Variants in CAPZB observed in about 807,000 individuals in gnomAD.
CAPZB encodes F-actin-capping protein subunit beta.
CAPZB carries 2 observed loss-of-function variants against 38.1 expected under a neutral mutation model. The ratio of observed to expected loss-of-function variants is 0.05; its 90% CI spans 0.02 to 0.17. The LOEUF is 0.17. Among genes scored for constraint, CAPZB ranks in the 10% least tolerant of loss-of-function variants. The pLI, the probability that CAPZB is intolerant of heterozygous loss-of-function variation, is 1.00. For synonymous variants in CAPZB, 107 were observed against 127.4 expected (o/e 0.84, Z 1.08); for missense variants, 161 against 334.2 (o/e 0.48, Z 4.04).
At chr1:19,484,177 G>C (rs1189061021) in intron 1 of CAPZB, 2 of 1,610,240 alleles carry the variant, frequency 1.2e-6, no homozygotes, top group South Asian at 2.2e-5. Context: ...CTCTCCCTAG[G>C]CGTTCTGCTC....
At chr1:19,484,955 T>C (rs1305045147) in intron 1 of CAPZB, among the ~76,000 whole-genome samples, 2 of 151,076 alleles carry the variant, frequency 1.3e-5, no homozygotes, top group African/African-American at 4.9e-5. Context: ...CCTGAGGCCA[T>C]GGAGAAGGCA....
At chr1:19,347,171 G>A (rs116739408) in intron 6 of CAPZB, among the ~76,000 whole-genome samples, 2,052 of 152,052 alleles carry the variant, frequency 0.013, 25 homozygotes, top group Admixed American at 0.02. Context: ...AGGAAGAATG[G>A]CCTCTGCAAG....
At chr1:19,443,456 T>C (rs970379282) in intron 1 of CAPZB, among the ~76,000 whole-genome samples, 3 of 152,218 alleles carry the variant, frequency 2.0e-5, no homozygotes, top group Admixed American at 1.3e-4. Flanking sequence ...CACTGTATAA[T>C]ATTAATATAG....
intron 2 of CAPZB, among the ~76,000 whole-genome samples, chr1:19,393,586 A>G: frequency 6.6e-6 from 1 of 152,194 alleles, no homozygotes; most frequent in South Asian, 2.1e-4. Context: ...TCCAAAGACC[A>G]GGCCCCACCG....
At chr1:19,358,578 T>C (rs1487851094) in intron 4 of CAPZB, among the ~76,000 whole-genome samples, 1 of 152,232 alleles carries the variant, frequency 6.6e-6, no homozygotes, top group African/African-American at 2.4e-5. Flanking sequence ...CTACTGTGGC[T>C]CACTGGGACT....
chr1:19,415,055 T>G (rs1262644693), intron 2 of CAPZB, among the ~76,000 whole-genome samples: 1 of 152,246 alleles, frequency 6.6e-6, no homozygotes, highest in African/African-American at 2.4e-5. Flanking sequence ...CAAGCATCCC[T>G]CACATTTCTC....
At chr1:19,389,473 G>C (rs2094220906) in intron 2 of CAPZB, among the ~76,000 whole-genome samples, 2 of 152,018 alleles carry the variant, frequency 1.3e-5, no homozygotes, top group South Asian at 4.1e-4. Context: ...TGTCACCCAG[G>C]CTGGAGTGCA....
At chr1:19,360,577 C>T (rs184382671) in intron 4 of CAPZB, among the ~76,000 whole-genome samples, 2 of 152,364 alleles carry the variant, frequency 1.3e-5, no homozygotes, top group African/African-American at 4.8e-5. Context: ...GATGGCCTGA[C>T]AGCCCTTGTC....
At chr1:19,379,876 A>G (rs1323992171) in intron 3 of CAPZB, among the ~76,000 whole-genome samples, 2 of 152,150 alleles carry the variant, frequency 1.3e-5, no homozygotes, top group Non-Finnish European at 2.9e-5. Context: ...CAGAGAAGAC[A>G]ACATGGAATT....
At chr1:19,451,148 G>T (rs2094514707) in intron 1 of CAPZB, among the ~76,000 whole-genome samples, 1 of 152,208 alleles carries the variant, frequency 6.6e-6, no homozygotes, top group African/African-American at 2.4e-5. Flanking sequence ...CTCAGGACCA[G>T]CTGTTGCTAT....
intron 1 of CAPZB, among the ~76,000 whole-genome samples, chr1:19,457,896 C>T (rs1033725046): frequency 6.6e-6 from 1 of 152,114 alleles, no homozygotes; most frequent in Non-Finnish European, 1.5e-5. Flanking sequence ...ACCTAAAGGG[C>T]AACATCAGGG....
chr1:19,404,249 A>G (rs1226156136), intron 2 of CAPZB, among the ~76,000 whole-genome samples: 3 of 151,046 alleles, frequency 2.0e-5, no homozygotes, highest in Non-Finnish European at 4.4e-5. Flanking sequence ...AAAAAAAAAA[A>G]AAAAAAAAAT....
At position 19,355,101 on chromosome 1, in the gene CAPZB, G is replaced by A. The variant is rs531250452; in HGVS notation, c.588+1534C>T. On this transcript the variant is annotated intron_variant, in intron 6 of 8. Coordinates refer to ENST00000264202, the MANE Select transcript of CAPZB (RefSeq NM_004930.5). ...AGTGGAGCTTCTATAGGTGGAGGGA[G>A]GGTCCCAGGTATGACGGCTGACATT... Among the ~76,000 whole-genome samples, 9 of 152,312 alleles carry A rather than the reference G, an allele frequency of 5.9e-5. No individual in the cohort carries two copies. In the South Asian group the frequency reaches 1.7e-3, roughly 28 times the overall value.
At chr1:19,376,396 A>AC (rs2094144851) in intron 4 of CAPZB, among the ~76,000 whole-genome samples, 1 of 152,218 alleles carries the variant, frequency 6.6e-6, no homozygotes, top group African/African-American at 2.4e-5. Context: ...CAAGAAGCTT[A>AC]CATATAAAAG....
At chr1:19,372,976 CAGCAAAA>C (rs943281006) in intron 4 of CAPZB, among the ~76,000 whole-genome samples, 49 of 152,292 alleles carry the variant, frequency 3.2e-4, no homozygotes, top group African/African-American at 1.1e-3. Flanking sequence ...CCCAGCACAC[CAGCAAAA>C]TGTGCTTGTC....
At chr1:19,411,908 G>T (rs189385514) in intron 2 of CAPZB, among the ~76,000 whole-genome samples, 1 of 152,146 alleles carries the variant, frequency 6.6e-6, no homozygotes, top group East Asian at 1.9e-4. Flanking sequence ...ATAACAGGCC[G>T]GGGTCATGAA....
intron 1 of CAPZB, 103 bp from the exon 2 acceptor site, chr1:19,419,853 G>C: frequency 1.4e-6 from 1 of 710,796 alleles, no homozygotes. Flanking sequence ...AAAACCCAAA[G>C]AGCCACGCAG....
At chr1:19,359,326 C>T (rs760989927) in intron 4 of CAPZB, among the ~76,000 whole-genome samples, 13 of 151,198 alleles carry the variant, frequency 8.6e-5, no homozygotes, top group Non-Finnish European at 2.9e-5. Context: ...ACTAAGAGAC[C>T]ACCAGACCAA....
At chr1:19,445,437 G>A (rs1237008797) in intron 1 of CAPZB, among the ~76,000 whole-genome samples, 1 of 150,846 alleles carries the variant, frequency 6.6e-6, no homozygotes, top group African/African-American at 2.4e-5. Context: ...TCCCCGCTTT[G>A]CCCTTTCCTT....
Sources: allele counts gnomAD v4.1 joint callset (sites outside exome capture counted in the v4.1 genomes callset), GRCh38; gene constraint gnomAD v4.1.1; transcripts MANE v1.5; gene names NCBI Gene and HGNC (gene_info 2026-07-23, HGNC 2026-07-21).